Variants in ELMO1 observed in about 807,000 individuals in gnomAD.
ELMO1 encodes the protein engulfment and cell motility protein 1.
In ELMO1, 26 loss-of-function variants were observed where a neutral mutation model predicts 98.9. The observed-to-expected ratio is 0.26, with a 90% CI of 0.19 to 0.36. The LOEUF is 0.36. Ranked by LOEUF, ELMO1 falls within the 10% of genes least tolerant of loss-of-function variation. The pLI is 1.00. For missense variants in ELMO1, 627 were observed against 935.2 expected, an observed-to-expected ratio of 0.67 and a Z score of 4.30; for synonymous variants, 346 against 346.0, an observed-to-expected ratio of 1.00 and a Z score of 0.00.
At chr7:37,004,763 T>G (rs1217274913) in intron 16 of ELMO1, among the ~76,000 whole-genome samples, 3 of 152,312 alleles carry the variant, frequency 2.0e-5, no homozygotes, top group Admixed American at 2.0e-4. Flanking sequence ...TGCCTTCAGC[T>G]AAAGATAGCA....
intron 8 of ELMO1, among the ~76,000 whole-genome samples, chr7:37,226,227 GA>G (rs1278674215): frequency 1.3e-5 from 2 of 152,130 alleles, no homozygotes; most frequent in African/African-American, 4.8e-5. Flanking sequence ...TTTACATTCC[GA>G]AAAGCTATTA....
At chr7:37,356,212 T>C (rs1223156323) in intron 1 of ELMO1, among the ~76,000 whole-genome samples, 1 of 152,194 alleles carries the variant, frequency 6.6e-6, no homozygotes, top group African/African-American at 2.4e-5. Flanking sequence ...TTGATGGGCA[T>C]TTGGGTTGGT....
intron 14 of ELMO1, among the ~76,000 whole-genome samples, chr7:37,113,640 G>A (rs1300558687): frequency 7.2e-5 from 11 of 152,302 alleles, no homozygotes; most frequent in African/African-American, 9.6e-5. Context: ...TGCTATGGAC[G>A]GAATTGCACC....
chr7:37,337,661 TA>T (rs1401529776), intron 2 of ELMO1, among the ~76,000 whole-genome samples: 1 of 152,094 alleles, frequency 6.6e-6, no homozygotes, highest in Non-Finnish European at 1.5e-5. Flanking sequence ...AGGCAGGAGA[TA>T]AAGGCATCAG....
At chr7:37,068,311 A>G (rs1441861967) in intron 15 of ELMO1, among the ~76,000 whole-genome samples, 2 of 152,218 alleles carry the variant, frequency 1.3e-5, no homozygotes, top group African/African-American at 4.8e-5. Flanking sequence ...TTAAAGAGAT[A>G]TTCTTGAACC....
intron 16 of ELMO1, among the ~76,000 whole-genome samples, chr7:36,958,304 G>A (rs1248391876): frequency 2.6e-5 from 4 of 152,198 alleles, no homozygotes; most frequent in Admixed American, 2.6e-4. Context: ...CTGGAGAAAA[G>A]CATACAATGG....
chr7:36,919,128 C>T (rs1369715856), intron 16 of ELMO1, among the ~76,000 whole-genome samples: 1 of 152,176 alleles, frequency 6.6e-6, no homozygotes, highest in Non-Finnish European at 1.5e-5. Context: ...TTTCTTCTCA[C>T]AGCTCAATAT....
chr7:37,411,024 C>A (rs540654908), intron 1 of ELMO1, among the ~76,000 whole-genome samples: 1 of 152,316 alleles, frequency 6.6e-6, no homozygotes, highest in East Asian at 1.9e-4. Context: ...CCCACTTACA[C>A]ATTTTCATAA....
chr7:37,288,229 C>CT (rs199907645), intron 4 of ELMO1, among the ~76,000 whole-genome samples: 64,856 of 145,772 alleles, frequency 0.44, 14,461 homozygotes, highest in Middle Eastern at 0.57. Context: ...CAAAGTGTCA[C>CT]TTTTTTTTTT....
At chr7:37,272,434 G>A (rs776708095) in intron 4 of ELMO1, among the ~76,000 whole-genome samples, 9 of 152,312 alleles carry the variant, frequency 5.9e-5, no homozygotes, top group Non-Finnish European at 1.0e-4. Flanking sequence ...TTGGAAGGCC[G>A]AAGCAGGTGG....
At chr7:36,899,684 C>CTCTTTTTTTTTTTTTT (rs1806335083) in intron 16 of ELMO1, among the ~76,000 whole-genome samples, 1 of 63,664 alleles carries the variant, frequency 1.6e-5, no homozygotes, top group Non-Finnish European at 3.1e-5. Context: ...CTTTACTCAT[C>CTCTTTTTTTTTTTTTT]TTTTTTTTTT....
intron 4 of ELMO1, among the ~76,000 whole-genome samples, chr7:37,292,417 C>G (rs77887712): frequency 0.76 from 40,243 of 52,752 alleles, 17,445 homozygotes; most frequent in Non-Finnish European, 0.98. Context: ...CCATCATCTG[C>G]GATGTGAGGA....
chr7:36,871,434 T>C (rs189219161), intron 19 of ELMO1, among the ~76,000 whole-genome samples: 2 of 152,128 alleles, frequency 1.3e-5, no homozygotes, highest in African/African-American at 4.8e-5. Context: ...AAGAAGGCAA[T>C]AGGATGGTTT....
intron 1 of ELMO1, among the ~76,000 whole-genome samples, chr7:37,409,646 C>T (rs1292339062): frequency 1.3e-5 from 2 of 152,348 alleles, no homozygotes; most frequent in East Asian, 3.9e-4. Context: ...TTGGGACTCT[C>T]CACGGGCTGT....
At chr7:36,999,686 T>C (rs1792496985) in intron 16 of ELMO1, among the ~76,000 whole-genome samples, 1 of 152,172 alleles carries the variant, frequency 6.6e-6, no homozygotes. Context: ...TGTACAATAA[T>C]TTTTGGTTGA....
intron 6 of ELMO1, among the ~76,000 whole-genome samples, chr7:37,249,603 T>C (rs1584870821): frequency 6.6e-6 from 1 of 152,172 alleles, no homozygotes; most frequent in South Asian, 2.1e-4. Flanking sequence ...GACCAAGGTA[T>C]TGGAAATAGA....
At chr7:36,949,456 T>A (rs542071944) in intron 16 of ELMO1, among the ~76,000 whole-genome samples, 1 of 151,530 alleles carries the variant, frequency 6.6e-6, no homozygotes, top group South Asian at 2.1e-4. Context: ...CTTCTCAATG[T>A]GCATGGCCAC....
chr7:37,312,266 T>A (rs1199427969), intron 4 of ELMO1, among the ~76,000 whole-genome samples: 4 of 152,332 alleles, frequency 2.6e-5, no homozygotes, highest in African/African-American at 9.6e-5. Flanking sequence ...TTTTTGTATT[T>A]TTAGTAGAGA....
intron 16 of ELMO1, among the ~76,000 whole-genome samples, chr7:36,921,510 G>C (rs1785152847): frequency 6.6e-6 from 1 of 152,136 alleles, no homozygotes; most frequent in Admixed American, 6.5e-5. Flanking sequence ...CTCTTATTAT[G>C]TTGATGTTAT....
Sources: gnomAD v4.1 joint callset for allele counts (sites outside exome capture counted in the v4.1 genomes callset) on GRCh38, gnomAD v4.1.1 for gene constraint, MANE v1.5 for transcripts, NCBI Gene and HGNC (gene_info 2026-07-23, HGNC 2026-07-21) for gene names.